Variants in KCNN2 observed in about 807,000 individuals in gnomAD.
KCNN2 encodes potassium calcium-activated channel subfamily N member 2, also known as small conductance calcium-activated potassium channel protein 2.
In KCNN2, 24 loss-of-function variants were observed where a neutral mutation model predicts 55.5. The ratio of observed to expected loss-of-function variants is 0.43; its 90% confidence interval spans 0.31 to 0.61. The LOEUF (loss-of-function observed/expected upper bound fraction) is 0.61. Among genes scored for constraint, KCNN2 ranks in the 20% least tolerant of loss-of-function variants. The pLI, the probability that KCNN2 is intolerant of heterozygous loss-of-function variation, is 0.08. For missense variants in KCNN2, 754 were observed against 853.6 expected (o/e 0.88, Z 1.45); for synonymous variants, 431 against 336.1 (o/e 1.28, Z -3.09).
chr5:114,486,996 T>C lies in KCNN2; in HGVS notation c.1891-54T>C, dbSNP rs576677985. 298 of 1,603,684 alleles carry C rather than the reference T, an allele frequency of 1.9e-4. 1 individual carries two copies. The highest frequency in any genetic ancestry group is 6.8e-4 in the South Asian group (61 of 90,222). On this transcript the variant is annotated intron_variant, in intron 5 of 7. Coordinates refer to ENST00000673685, the MANE Select transcript of KCNN2 (RefSeq NM_021614.4). ...TGAAGACTATGACCCCCAGCAAAGT[T>C]ACAAAGGATTCTGCTCTGGAATTTA... is the stretch of plus-strand genomic sequence containing the variant.
At chr5:114,361,704 G>C (rs1176432796), upstream of KCNN2, among the ~76,000 whole-genome samples, 1 of 152,310 alleles carries the variant, frequency 6.6e-6, no homozygotes, top group East Asian at 1.9e-4. Flanking sequence ...TCCGGGCAGC[G>C]CGTCCGGCAC....
intron 3 of KCNN2, among the ~76,000 whole-genome samples, chr5:114,424,386 C>T (rs535041480): frequency 4.6e-5 from 7 of 152,212 alleles, no homozygotes; most frequent in Admixed American, 2.6e-4. Context: ...AGGATCAAAA[C>T]GAAAATAAAT....
intron 2 of KCNN2, among the ~76,000 whole-genome samples, chr5:114,222,981 A>T (rs1317722328): frequency 1.3e-5 from 2 of 152,172 alleles, no homozygotes; most frequent in East Asian, 3.9e-4. Context: ...CATAATCTCT[A>T]TTGAGGTCTC....
At chr5:114,379,078 G>T (rs337696) in intron 2 of KCNN2, among the ~76,000 whole-genome samples, 16,892 of 152,000 alleles carry the variant, frequency 0.11, 1,369 homozygotes, top group African/African-American at 0.23. Flanking sequence ...CCTCAGGGCC[G>T]CAGCTCAGCA....
Position 114,159,759 on chromosome 5 carries a change from C to T in KCNN2, c.-270-61721C>T, listed in dbSNP as rs554844652. Among the ~76,000 whole-genome samples the T allele has an allele frequency of 1.2e-4, 18 of 152,270 alleles. 1 individual carries two copies. In the South Asian group the frequency reaches 2.7e-3, roughly 23 times the overall value. ...GGGTGTATGTGTCGAGGAATTTATC[C>T]ATTTCTTCTAGATTTTCTAGTTTAT... is the stretch of plus-strand genomic sequence containing the variant. On this transcript the variant is annotated intron_variant, in intron 1 of 10. Transcript: ENST00000512097.
intron 2 of KCNN2, among the ~76,000 whole-genome samples, chr5:114,377,421 T>C (rs1016227034): frequency 2.0e-5 from 3 of 152,152 alleles, no homozygotes; most frequent in African/African-American, 4.8e-5. Flanking sequence ...TTTCCAGTCA[T>C]GTTGGATGGT....
chr5:114,351,596 G>A lies in KCNN2; in HGVS notation c.-184-9349G>A, dbSNP rs114925672. Among the ~76,000 whole-genome samples the A allele has an allele frequency of 3.5e-3, 533 of 151,734 alleles. 3 individuals are homozygous for A. Among genetic ancestry groups the A allele is most frequent in the African/African-American group, 0.012 (490 of 41,490 alleles). ...GTAGTAGATTTTTTTCATGGATGTC[G>A]TCTATCAAGCTGAGGAAGTCCTGTT... is the stretch of plus-strand genomic sequence containing the variant. On this transcript the variant is annotated intron_variant, in intron 2 of 10. Coordinates refer to the KCNN2 transcript ENST00000512097.
intron 1 of KCNN2, among the ~76,000 whole-genome samples, chr5:114,197,682 C>G (rs1195569458): frequency 1.3e-5 from 2 of 152,056 alleles, no homozygotes; most frequent in Admixed American, 1.3e-4. Flanking sequence ...GGCTGGGAGG[C>G]AGAATAGGGG....
At chr5:114,095,813 T>G (rs979242671) in intron 1 of KCNN2, among the ~76,000 whole-genome samples, 1 of 151,108 alleles carries the variant, frequency 6.6e-6, no homozygotes, top group Non-Finnish European at 1.5e-5. Flanking sequence ...CAATAATTTT[T>G]TTTGACTTCC....
Position 114,483,735 on chromosome 5 carries a change from G to GTGTC in KCNN2, c.1891-3312_1891-3311insCTGT, listed in dbSNP as rs1418987922. On this transcript the variant is annotated intron_variant, in intron 5 of 7. Coordinates refer to ENST00000673685, the MANE Select transcript of KCNN2 (RefSeq NM_021614.4). ...CAACTGTGTGTGTGTGTGTGTGTGT[G>GTGTC]TGTGTGTGTAAAGATGTTCCTGTTA... 2.0e-5 allele frequency among the ~76,000 whole-genome samples: 3 copies of GTGTC among 151,914 alleles called. 1 individual carries two copies. Among genetic ancestry groups the GTGTC allele is most frequent in the Non-Finnish European group, 4.4e-5 (3 of 67,980 alleles).
At chr5:114,196,994 T>G (rs1411423737) in intron 1 of KCNN2, among the ~76,000 whole-genome samples, 4 of 152,114 alleles carry the variant, frequency 2.6e-5, no homozygotes, top group Non-Finnish European at 5.9e-5. Flanking sequence ...AAATTTCACT[T>G]TAAGCACAGA....
intron 2 of KCNN2, among the ~76,000 whole-genome samples, chr5:114,329,681 G>A (rs1308339544): frequency 6.6e-6 from 1 of 152,152 alleles, no homozygotes; most frequent in East Asian, 1.9e-4. Flanking sequence ...CCTTGTGACT[G>A]TGTGAGTCAA....
chr5:114,170,545 C>A (rs1753011522), intron 1 of KCNN2, among the ~76,000 whole-genome samples: 1 of 151,988 alleles, frequency 6.6e-6, no homozygotes, highest in African/African-American at 2.4e-5. Context: ...ATGCATCACA[C>A]CTCCACATGA....
At chr5:114,450,319 C>T (rs1436320198) in intron 3 of KCNN2, among the ~76,000 whole-genome samples, 1 of 152,144 alleles carries the variant, frequency 6.6e-6, no homozygotes, top group Non-Finnish European at 1.5e-5. Context: ...AGCATGGCTC[C>T]ATCTGTCTGC....
intron 3 of KCNN2, among the ~76,000 whole-genome samples, chr5:114,452,420 C>T (rs977839584): frequency 1.3e-5 from 2 of 152,108 alleles, no homozygotes. Flanking sequence ...TGCATATTAC[C>T]TTACTCCTTG....
At chr5:114,089,834 A>C (rs1340231588) in intron 1 of KCNN2, among the ~76,000 whole-genome samples, 1 of 152,222 alleles carries the variant, frequency 6.6e-6, no homozygotes. Context: ...GAAGAATTTA[A>C]GACTGAGAAA....
At chr5:114,396,652 G>A (rs928249594) in intron 2 of KCNN2, among the ~76,000 whole-genome samples, 2 of 151,578 alleles carry the variant, frequency 1.3e-5, no homozygotes, top group African/African-American at 4.9e-5. Flanking sequence ...AGGTTCAGGT[G>A]ATTCTCCTGC....
rs1482072896 is a variant in KCNN2 at position 114,216,262 on chromosome 5, CAT to C, written c.-270-5215_-270-5214del. Among the ~76,000 whole-genome samples, 28 of 152,038 alleles carry C rather than the reference CAT, an allele frequency of 1.8e-4. 1 individual carries two copies. The highest frequency in any genetic ancestry group is 5.1e-4 in the African/African-American group (21 of 41,418). ...TTTCCTCATTTTTTTGTCTGAGAAA[CAT>C]ATGTGTGGTATTTACATTGGACTAA... On this transcript the variant is annotated intron_variant, in intron 1 of 10. Transcript: ENST00000512097.
chr5:114,473,033 C>G, intron 4 of KCNN2, 21 bp from the exon 5 acceptor site: 2 of 1,503,150 alleles, frequency 1.3e-6, no homozygotes, highest in Non-Finnish European at 1.8e-6. Context: ...CTTTGGGTTT[C>G]TCTTCTCTCC....
Sources: gnomAD v4.1 joint callset for allele counts (sites outside exome capture counted in the v4.1 genomes callset) on GRCh38, gnomAD v4.1.1 for gene constraint, MANE v1.5 for transcripts, NCBI Gene and HGNC (gene_info 2026-07-23, HGNC 2026-07-21) for gene names.